RPUSD4: variants seen among roughly 807,000 people sequenced by gnomAD.
The protein encoded by RPUSD4 is pseudouridylate synthase RPUSD4, mitochondrial.
In RPUSD4, 37 loss-of-function variants were observed where a neutral mutation model predicts 35.4. The observed-to-expected ratio is 1.04, with a 90% confidence interval of 0.80 to 1.37. RPUSD4 has a LOEUF of 1.37. Ranked by LOEUF, RPUSD4 falls within the 40% of genes most tolerant of loss-of-function variation. The pLI, the probability that RPUSD4 is intolerant of heterozygous loss-of-function variation, is 0.00. For missense variants in RPUSD4, 507 were observed against 484.9 expected (o/e 1.05, Z -0.43); for synonymous variants, 210 against 192.7 (o/e 1.09, Z -0.74).
In RPUSD4 at chr11:126,210,875, C is replaced by T. The variant is rs781231844; in HGVS notation, c.355+15G>A. 6.2e-7 allele frequency: 1 copy of T among 1,606,412 alleles called. No individual in the cohort carries two copies. The highest frequency in any genetic ancestry group is 8.5e-7 in the Non-Finnish European group (1 of 1,175,474). On this transcript the variant is annotated intron_variant, in intron 2 of 6. Transcript: ENST00000298317. The stretch of plus-strand genomic sequence containing the variant: ...GCAGCTGCAGGTTCCTCCACCTTTC[C>T]CGCGTGGTCCTTACCATGCACAGGG...
chr11:126,209,728 A>G lies in RPUSD4; in HGVS notation c.356-6T>C, dbSNP rs780194475. 1 of 1,611,650 alleles carries G rather than the reference A, an allele frequency of 6.2e-7. No homozygotes were observed. Among genetic ancestry groups the G allele is most frequent in the South Asian group, 1.1e-5 (1 of 90,986 alleles). ...GAGCTGGACCCCAGGGCCACCTAAG[A>G]AGGAAAAAGCCAAAGGTTTGAGCGG... On this transcript the variant is annotated splice_polypyrimidine_tract_variant and splice_region_variant and intron_variant, in intron 2 of 6. Transcript: ENST00000298317.
chr11:126,208,026 T>C (rs906130517), intron 3 of RPUSD4, among the ~76,000 whole-genome samples: 2 of 147,718 alleles, frequency 1.4e-5, no homozygotes, highest in Admixed American at 1.3e-4. Flanking sequence ...GAAAATATCT[T>C]TTTTTTTTTT....
At chr11:126,210,797 G>A (rs1949848611) in intron 2 of RPUSD4, 93 bp downstream of exon 2, 1 of 1,277,420 alleles carries the variant, frequency 7.8e-7, no homozygotes, top group South Asian at 1.4e-5. Flanking sequence ...TGAATGCAAG[G>A]CTTTAGAGTG....
chr11:126,209,423 T>C (rs1352565421), intron 3 of RPUSD4, 98 bp downstream of exon 3: 7 of 996,050 alleles, frequency 7.0e-6, no homozygotes, highest in Admixed American at 2.1e-5. Flanking sequence ...CATAGTGCAG[T>C]GCCTTCTATT....
intron 1 of RPUSD4, 115 bp downstream of exon 1, chr11:126,211,335 T>C: frequency 1.7e-6 from 2 of 1,203,182 alleles, no homozygotes; most frequent in Non-Finnish European, 2.3e-6. Context: ...TCTCCCACCT[T>C]GCGTCCGGGC....
rs1949818866 is a variant in RPUSD4 at position 126,209,652 on chromosome 11, C to T, written c.426G>A (p.Lys142=). 1.2e-6 allele frequency: 2 copies of T among 1,614,100 alleles called. No homozygotes were observed. Among genetic ancestry groups the T allele is most frequent in the African/African-American group, 1.3e-5 (1 of 74,928 alleles). ...GGTGGCACAGATGCAAGGGCTCTGC[C>T]TTGTGGCCATGAAGCATCTTTGCCA... ...PILAKMLHGH[K]AEPLHLCHRL... Residue 142 remains lysine (K), a synonymous_variant, in exon 3 of 7, where the codon AAG becomes AAA. Transcript: ENST00000298317.
Position 126,211,011 on chromosome 11 carries a change from C to T in RPUSD4, c.234G>A (p.Arg78=). The change falls in exon 2 of 7, where the codon CGG becomes CGA. Residue 78 remains arginine, a synonymous_variant. Coordinates refer to ENST00000298317, the MANE Select transcript of RPUSD4 (RefSeq NM_032795.3). ...GGACTCGCTGCAGCTGCCGTGTGAA[C>T]CGCACTATTTCTTGCACTCTCCGCT... is the stretch of plus-strand genomic sequence containing the variant. ...AVQRRVQEIV[R]FTRQLQRVHP... 6.2e-7 allele frequency: 1 copy of T among 1,614,000 alleles called. No individual in the cohort carries two copies. Among genetic ancestry groups the T allele is most frequent in the Non-Finnish European group, 8.5e-7 (1 of 1,180,008 alleles).
rs750382224 is a variant in RPUSD4 at position 126,210,917 on chromosome 11, T to C, written c.328A>G (p.Asn110Asp). ...LHQDKNLVVI[N>D]KPYGLPVHGG... Reference sequence around the variant, plus strand: ...TGCACAGGGAGACCGTAGGGCTTATTGATGACCACAAGGTTCTTGTCCTGG... The same window carrying C: ...TGCACAGGGAGACCGTAGGGCTTATCGATGACCACAAGGTTCTTGTCCTGG... Residue 110 changes from asparagine (N) to aspartate (D), a missense_variant, in exon 2 of 7, where the codon AAT (asparagine) becomes GAT (aspartate). Asn to Asp is a conservative substitution (Grantham distance 23). Transcript: ENST00000298317. 1 of 1,614,204 alleles carries C rather than the reference T, an allele frequency of 6.2e-7. No individual in the cohort carries two copies. The highest frequency in any genetic ancestry group is 1.1e-5 in the South Asian group (1 of 91,082).
At chr11:126,209,862 A>C in intron 2 of RPUSD4, 140 bp from the exon 3 acceptor site, 1 of 687,532 alleles carries the variant, frequency 1.5e-6, no homozygotes. Context: ...AGAGACTAGC[A>C]ACAATGGCAT....
intron 3 of RPUSD4, among the ~76,000 whole-genome samples, chr11:126,207,747 C>T (rs1448006035): frequency 2.0e-5 from 3 of 151,934 alleles, no homozygotes; most frequent in Non-Finnish European, 4.4e-5. Flanking sequence ...CTAGCTGAAA[C>T]ATGAGAACCA....
chr11:126,210,750 T>TGA, intron 2 of RPUSD4, 140 bp downstream of exon 2: 1 of 686,738 alleles, frequency 1.5e-6, no homozygotes, highest in South Asian at 2.4e-5. Flanking sequence ...CGGTGGTTCC[T>TGA]TATATTGGAC....
Position 126,203,290 on chromosome 11 carries a change from T to C in RPUSD4, c.*128A>G. ...TCCCACCTGGCTCTTACGCAGTCTG[T>C]TCCAAGTGAGAAGTTAGCAGAGTCC... On this transcript the variant is annotated 3_prime_UTR_variant, in exon 7 of 7. Transcript: ENST00000298317. 4 of 1,404,748 alleles carry C rather than the reference T, an allele frequency of 2.8e-6. No homozygotes were observed. The highest frequency in any genetic ancestry group is 3.9e-6 in the Non-Finnish European group (4 of 1,033,024). 87.0% of individuals were successfully genotyped at this position (1,404,748 alleles called of 1,614,324 possible).
chr11:126,210,589 C>T (rs1303214831), intron 2 of RPUSD4, among the ~76,000 whole-genome samples: 3 of 150,996 alleles, frequency 2.0e-5, no homozygotes. Context: ...ATTCCCAGTT[C>T]TGATGGAAGA....
intron 6 of RPUSD4, among the ~76,000 whole-genome samples, chr11:126,203,934 T>G (rs1305155086): frequency 1.3e-5 from 2 of 152,144 alleles, no homozygotes; most frequent in Non-Finnish European, 2.9e-5. Context: ...TGCGGTTTTT[T>G]AGTAGCACCA....
intron 2 of RPUSD4, 141 bp downstream of exon 2, chr11:126,210,749 C>CTGTTTTT: frequency 1.3e-6 from 1 of 746,326 alleles, no homozygotes; most frequent in Non-Finnish European, 2.1e-6. Flanking sequence ...TCGGTGGTTC[C>CTGTTTTT]TTATATTGGA....
chr11:126,204,633 C>T (rs147437943), intron 5 of RPUSD4, among the ~76,000 whole-genome samples: 1 of 152,280 alleles, frequency 6.6e-6, no homozygotes, highest in East Asian at 1.9e-4. Context: ...AATTTTACTA[C>T]ATAAGTAGTA....
At position 126,203,391 on chromosome 11, in the gene RPUSD4, C is replaced by G; in HGVS notation, c.*27G>C. The G allele has an allele frequency of 6.2e-7, 1 of 1,605,548 alleles. No homozygotes were observed. Among genetic ancestry groups the G allele is most frequent in the Non-Finnish European group, 8.5e-7 (1 of 1,177,960 alleles). On this transcript the variant is annotated 3_prime_UTR_variant, in exon 7 of 7. Transcript: ENST00000298317. ...TGCTCTCAGGGTCTTCACTGTGCTC[C>G]CAGGTGCCAGGGTGCTCCCATGGTC... is the stretch of plus-strand genomic sequence containing the variant.
At chr11:126,206,029 T>A (rs1024131962) in intron 3 of RPUSD4, 4 of 374,072 alleles carry the variant, frequency 1.1e-5, no homozygotes, top group Non-Finnish European at 1.9e-5. Context: ...AAGAAAAAAA[T>A]TACATTAATA....
chr11:126,206,083 A>G, intron 3 of RPUSD4: 1 of 239,084 alleles, frequency 4.2e-6, no homozygotes, highest in East Asian at 8.4e-5. Context: ...TACAGTTAAA[A>G]TAAAATTATG....
Sources: allele counts gnomAD v4.1 joint callset (sites outside exome capture counted in the v4.1 genomes callset), GRCh38; gene constraint gnomAD v4.1.1; transcripts MANE v1.5; gene names NCBI Gene and HGNC (gene_info 2026-07-23, HGNC 2026-07-21).